Variants in ADAMTSL1 observed in about 807,000 individuals in gnomAD.
ADAMTSL1 encodes ADAMTS like 1.
A neutral mutation model predicts 201.8 loss-of-function variants in ADAMTSL1; 126 were observed. The ratio of observed to expected loss-of-function variants is 0.62; its 90% confidence interval spans 0.54 to 0.72. ADAMTSL1 has a LOEUF of 0.72. ADAMTSL1 is among the 30% of genes least tolerant of loss of function. The pLI, the probability that ADAMTSL1 is intolerant of heterozygous loss-of-function variation, is 0.00. For synonymous variants in ADAMTSL1, 1,121 were observed against 903.4 expected (o/e 1.24, Z -4.32); for missense variants, 2,679 against 2,277.8 (o/e 1.18, Z -3.59).
At chr9:18,420,853 C>T (rs1355157101) in intron 2 of ADAMTSL1, among the ~76,000 whole-genome samples, 3 of 152,184 alleles carry the variant, frequency 2.0e-5, no homozygotes, top group African/African-American at 7.2e-5. Flanking sequence ...AATGCCAACT[C>T]TGAATGGTAA....
chr9:18,766,218 A>G (rs944957012), intron 16 of ADAMTSL1, among the ~76,000 whole-genome samples: 2 of 152,206 alleles, frequency 1.3e-5, no homozygotes, highest in Non-Finnish European at 2.9e-5. Flanking sequence ...ATGAATTAAT[A>G]AAGTTGGAAG....
intron 14 of ADAMTSL1, among the ~76,000 whole-genome samples, chr9:18,714,305 C>T (rs1832784360): frequency 1.3e-5 from 2 of 151,542 alleles, no homozygotes; most frequent in Admixed American, 1.3e-4. Flanking sequence ...ATTAATGAAT[C>T]CAGGAGCTGG....
At chr9:18,815,803 G>A (rs934019228) in intron 20 of ADAMTSL1, among the ~76,000 whole-genome samples, 6 of 150,844 alleles carry the variant, frequency 4.0e-5, no homozygotes, top group African/African-American at 7.3e-5. Flanking sequence ...TATGTTAAGT[G>A]AAATAAGCCA....
intron 4 of ADAMTSL1, among the ~76,000 whole-genome samples, chr9:18,618,744 GA>G (rs1825852464): frequency 6.6e-6 from 1 of 152,168 alleles, no homozygotes; most frequent in Non-Finnish European, 1.5e-5. Flanking sequence ...GCAGAGGGCA[GA>G]AAAGGCATTC....
At chr9:18,692,757 T>A (rs1387579481) in intron 13 of ADAMTSL1, among the ~76,000 whole-genome samples, 1 of 152,162 alleles carries the variant, frequency 6.6e-6, no homozygotes, top group Admixed American at 6.5e-5. Context: ...TCAGGGAAAA[T>A]GTTATGCATT....
intron 1 of ADAMTSL1, among the ~76,000 whole-genome samples, chr9:18,072,032 C>T (rs1202733807): frequency 3.3e-5 from 5 of 152,124 alleles, no homozygotes; most frequent in African/African-American, 4.8e-5. Context: ...TTAGCTGTCC[C>T]TGGCAACTGT....
intron 2 of ADAMTSL1, among the ~76,000 whole-genome samples, chr9:18,281,423 G>C (rs1832784190): frequency 6.6e-6 from 1 of 152,134 alleles, no homozygotes; most frequent in African/African-American, 2.4e-5. Context: ...CTGGGCTCCA[G>C]AGTCAGCCAC....
chr9:18,526,072 A>G (rs1185245026), intron 2 of ADAMTSL1, among the ~76,000 whole-genome samples: 2 of 152,058 alleles, frequency 1.3e-5, no homozygotes, highest in African/African-American at 4.8e-5. Flanking sequence ...ATTGTGTGGG[A>G]GTCTAAGTCT....
At chr9:18,658,583 T>G (rs1365062272) in intron 8 of ADAMTSL1, among the ~76,000 whole-genome samples, 5 of 152,202 alleles carry the variant, frequency 3.3e-5, no homozygotes, top group Non-Finnish European at 5.9e-5. Context: ...TTCATTAAAA[T>G]GCATCTCTCC....
rs575949518 is a variant in ADAMTSL1 at position 18,561,922 on chromosome 9, T to C, written c.238-12108T>C. ...TTTTGAGCCTATGTGTGTCCTTGCA[T>C]ATGAGATGGGTCTCCTGAATACAGC... On this transcript the variant is annotated intron_variant, in intron 3 of 28. Coordinates refer to ENST00000380548, the MANE Select transcript of ADAMTSL1 (RefSeq NM_001040272.6). Among the ~76,000 whole-genome samples, 4 of 152,296 alleles carry C rather than the reference T, an allele frequency of 2.6e-5. No individual in the cohort carries two copies. In the East Asian group the frequency reaches 5.8e-4, roughly 22 times the overall value.
upstream of ADAMTSL1, among the ~76,000 whole-genome samples, chr9:18,469,920 G>A (rs149736152): frequency 1.8e-3 from 270 of 152,310 alleles, 2 homozygotes; most frequent in Middle Eastern, 6.8e-3. Context: ...TGGGATGAAG[G>A]ACTGCTAACC....
At chr9:18,460,505 G>A (rs1003050047) in intron 2 of ADAMTSL1, among the ~76,000 whole-genome samples, 5 of 152,176 alleles carry the variant, frequency 3.3e-5, no homozygotes, top group Middle Eastern at 3.4e-3. Flanking sequence ...TGAAGCAGAC[G>A]GTTGTGAAAA....
chr9:18,772,103 T>A (rs1413490617), intron 17 of ADAMTSL1, among the ~76,000 whole-genome samples: 1 of 152,222 alleles, frequency 6.6e-6, no homozygotes, highest in Non-Finnish European at 1.5e-5. Context: ...TGTGTGTGCA[T>A]GTGCATGTTA....
chr9:18,634,769 C>A (rs1390570631), intron 5 of ADAMTSL1, among the ~76,000 whole-genome samples: 1 of 147,712 alleles, frequency 6.8e-6, no homozygotes, highest in Admixed American at 6.7e-5. Flanking sequence ...ACCCAGGAAA[C>A]AGAGGTTGCA....
At chr9:18,553,828 ACTT>A (rs960147274) in intron 3 of ADAMTSL1, among the ~76,000 whole-genome samples, 3 of 151,652 alleles carry the variant, frequency 2.0e-5, no homozygotes, top group African/African-American at 7.3e-5. Flanking sequence ...TTTCTGCCTG[ACTT>A]CTTTTATTTA....
intron 1 of ADAMTSL1, among the ~76,000 whole-genome samples, chr9:18,163,495 G>C (rs916658695): frequency 1.3e-5 from 2 of 151,958 alleles, no homozygotes; most frequent in Non-Finnish European, 2.9e-5. Flanking sequence ...ATTGGACTAA[G>C]GATTGATCCC....
chr9:18,699,681 G>A (rs920429355), intron 13 of ADAMTSL1, among the ~76,000 whole-genome samples: 1 of 152,156 alleles, frequency 6.6e-6, no homozygotes, highest in Non-Finnish European at 1.5e-5. Flanking sequence ...TTACTGGTTA[G>A]CAATATTAGA....
intron 8 of ADAMTSL1, among the ~76,000 whole-genome samples, chr9:18,659,826 T>C (rs1410348465): frequency 6.6e-6 from 1 of 152,186 alleles, no homozygotes; most frequent in African/African-American, 2.4e-5. Flanking sequence ...GTCAATTACT[T>C]TGATGTTCCA....
At chr9:18,112,699 A>G (rs1056951522) in intron 1 of ADAMTSL1, among the ~76,000 whole-genome samples, 1 of 152,112 alleles carries the variant, frequency 6.6e-6, no homozygotes, top group African/African-American at 2.4e-5. Context: ...TGCACAATAC[A>G]CAGCAGTTAT....
Sources: gnomAD v4.1 joint callset for allele counts (sites outside exome capture counted in the v4.1 genomes callset) on GRCh38, gnomAD v4.1.1 for gene constraint, MANE v1.5 for transcripts, NCBI Gene and HGNC (gene_info 2026-07-23, HGNC 2026-07-21) for gene names.